The following WBP11 variants were observed in gnomAD, a reference collection of about 807,000 sequenced individuals.
The protein encoded by WBP11 is WW domain binding protein 11, also known as WW domain-binding protein 11.
In WBP11, 12 loss-of-function variants were observed where a neutral mutation model predicts 66.7. The ratio of observed to expected loss-of-function variants is 0.18; its 90% CI spans 0.12 to 0.29. WBP11 has a LOEUF of 0.29. Ranked by LOEUF, WBP11 falls within the 10% of genes least tolerant of loss-of-function variation. The pLI is 1.00. For synonymous variants in WBP11, 255 were observed against 273.8 expected, an observed-to-expected ratio of 0.93 and a Z score of 0.68; for missense variants, 555 against 818.3, an observed-to-expected ratio of 0.68 and a Z score of 3.93.
chr12:14,791,638 C>G (rs961280178), intron 8 of WBP11, among the ~76,000 whole-genome samples: 8 of 152,270 alleles, frequency 5.3e-5, no homozygotes, highest in African/African-American at 1.7e-4. Context: ...ACTAGCCTAA[C>G]CATGATACCA....
At chr12:14,789,204 A>G in intron 10 of WBP11, 71 bp from the exon 11 acceptor site, 2 of 1,371,778 alleles carry the variant, frequency 1.5e-6, no homozygotes, top group Non-Finnish European at 1.9e-6. Flanking sequence ...CTTAAAAGTA[A>G]CTCAAATATG....
At chr12:14,793,116 T>C (rs530229921) in intron 8 of WBP11, among the ~76,000 whole-genome samples, 25 of 152,318 alleles carry the variant, frequency 1.6e-4, no homozygotes, top group South Asian at 6.2e-4. Context: ...ATATATTCTG[T>C]TGTAGGCCAC....
rs182665706 is a variant in WBP11, at chr12:14,802,696, G to T, written c.-46+656C>A. ...TCCTTCTAAGAAAAACTGGGGATGG[G>T]GGGGTTAGGGGGGTGGGAGAGCAGC... On this transcript the variant is annotated intron_variant, in intron 1 of 11. Coordinates refer to ENST00000261167, the MANE Select transcript of WBP11 (RefSeq NM_016312.3). Among the ~76,000 whole-genome samples the T allele has an allele frequency of 8.6e-4, 130 of 151,940 alleles. 1 individual carries two copies. Among genetic ancestry groups the T allele is most frequent in the Non-Finnish European group, 1.3e-3 (89 of 67,980 alleles).
At chr12:14,789,484 C>T (rs1295868725) in intron 10 of WBP11, among the ~76,000 whole-genome samples, 5 of 152,030 alleles carry the variant, frequency 3.3e-5, no homozygotes, top group African/African-American at 9.7e-5. Flanking sequence ...ACTTGGGAGG[C>T]TGAGGCAGGA....
At chr12:14,802,888 G>C (rs766856448) in intron 1 of WBP11, among the ~76,000 whole-genome samples, 2 of 152,196 alleles carry the variant, frequency 1.3e-5, no homozygotes, top group African/African-American at 2.4e-5. Flanking sequence ...ACGAATTACA[G>C]AGAATTTTAC....
At position 14,803,468 on chromosome 12, in the gene WBP11, T is replaced by G. The variant is rs1949998067; in HGVS notation, c.-162A>C. 1.0e-5 allele frequency: 4 copies of G among 398,696 alleles called. No homozygotes were observed. The highest frequency in any genetic ancestry group is 4.1e-5 in the African/African-American group (2 of 48,650). The allele number at this position is 398,696 out of a possible 1,614,324, so 24.7% of individuals were successfully genotyped here. A position where few individuals can be genotyped will look rare whatever the true frequency, so the allele number is the denominator to read the frequency against. On this transcript the variant is annotated 5_prime_UTR_variant, in exon 1 of 12. Transcript: ENST00000261167. The stretch of plus-strand genomic sequence containing the variant: ...GTCAACCCCTCAGCTACCGCCATCT[T>G]GAAACCTCGCGCCCCTCCGCACTCC...
At chr12:14,791,899 G>C (rs1023668360) in intron 8 of WBP11, among the ~76,000 whole-genome samples, 6 of 151,470 alleles carry the variant, frequency 4.0e-5, no homozygotes, top group Admixed American at 1.3e-4. Context: ...ATCAAATATT[G>C]TATGCTCTCA....
rs1949995422 is a variant in WBP11, at chr12:14,803,331, AAATC to A, written c.-46+17_-46+20del. On this transcript the variant is annotated intron_variant, in intron 1 of 11. Transcript: ENST00000261167. ...GACGAAAGAGGTGAGGAAGAGTAGTAAATCAATTCAATACACTCACACTTCTGCT... is the reference window on the plus strand; with the variant it reads ...GACGAAAGAGGTGAGGAAGAGTAGTAAATTCAATACACTCACACTTCTGCT... 2 of 398,470 alleles carry A rather than the reference AAATC, an allele frequency of 5.0e-6. No homozygotes were observed. The highest frequency in any genetic ancestry group is 2.5e-4 in the South Asian group (2 of 7,846). 24.7% of individuals were successfully genotyped at this position (398,470 alleles called of 1,614,324 possible). A position where few individuals can be genotyped will look rare whatever the true frequency, so the allele number is the denominator to read the frequency against.
chr12:14,785,505 GTATTAATAT>G lies in WBP11; in HGVS notation c.*1551_*1559del, dbSNP rs1207980587. ...ACAGACTCAATTCACCTGTGGACCC[GTATTAATAT>G]TACACTAAAAAACCAACCCAAAACG... On this transcript the variant is annotated 3_prime_UTR_variant, in exon 12 of 12. Transcript: ENST00000261167. 1 of 152,044 alleles carries G rather than the reference GTATTAATAT, an allele frequency of 6.6e-6. No individual in the cohort carries two copies. Among genetic ancestry groups the G allele is most frequent in the Non-Finnish European group, 1.5e-5 (1 of 68,000 alleles). The allele number at this position is 152,044 out of a possible 1,614,324, so 9.4% of individuals were successfully genotyped here. A position where few individuals can be genotyped will look rare whatever the true frequency, so the allele number is the denominator to read the frequency against.
intron 8 of WBP11, among the ~76,000 whole-genome samples, chr12:14,791,996 G>A (rs1166621502): frequency 6.6e-6 from 1 of 151,992 alleles, no homozygotes; most frequent in Non-Finnish European, 1.5e-5. Flanking sequence ...AGGGTGGGAG[G>A]GGAGTGAAGG....
At chr12:14,803,104 G>T (rs898943690) in intron 1 of WBP11, among the ~76,000 whole-genome samples, 2 of 152,178 alleles carry the variant, frequency 1.3e-5, no homozygotes, top group African/African-American at 4.8e-5. Context: ...GGTACAAGAC[G>T]TCAAACCTAA....
chr12:14,788,199 A>G (rs1316848842), intron 11 of WBP11, among the ~76,000 whole-genome samples: 3 of 152,200 alleles, frequency 2.0e-5, no homozygotes, highest in African/African-American at 7.2e-5. Context: ...AGATCGCGCC[A>G]TTGCACTCCA....
rs1331126766 is a variant in WBP11, at chr12:14,785,959, GAGTT to G, written c.*1102_*1105del. 2.0e-5 allele frequency: 3 copies of G among 149,322 alleles called. No individual in the cohort carries two copies. The highest frequency in any genetic ancestry group is 4.5e-5 in the Non-Finnish European group (3 of 67,334). The allele number at this position is 149,322 out of a possible 1,614,324, so 9.2% of individuals were successfully genotyped here. On this transcript the variant is annotated 3_prime_UTR_variant, in exon 12 of 12. Transcript: ENST00000261167. ...ATTAAATTAACATTAAACTTACTAA[GAGTT>G]AGTCTAAATTGGTAGATGAGTTTAC...
At chr12:14,800,612 A>G (rs1435705202) in intron 3 of WBP11, 140 bp downstream of exon 3, 2 of 787,696 alleles carry the variant, frequency 2.5e-6, no homozygotes, top group Non-Finnish European at 4.0e-6. Context: ...TTGGCTTAGT[A>G]TATCTTACAG....
chr12:14,798,325 T>C (rs149367031), intron 4 of WBP11, among the ~76,000 whole-genome samples: 5 of 152,244 alleles, frequency 3.3e-5, no homozygotes, highest in African/African-American at 1.2e-4. Flanking sequence ...CTTACCTGTA[T>C]AATAGGGACA....
intron 5 of WBP11, 75 bp from the exon 6 acceptor site, chr12:14,795,179 T>G: frequency 1.4e-6 from 2 of 1,434,396 alleles, no homozygotes; most frequent in Non-Finnish European, 1.8e-6. Context: ...ACAAGTCAGC[T>G]GTTTCGTAAC....
Position 14,789,084 on chromosome 12 carries a change from G to A in WBP11, c.1359C>T (p.Pro453=). 1 of 1,523,126 alleles carries A rather than the reference G, an allele frequency of 6.6e-7. No homozygotes were observed. The highest frequency in any genetic ancestry group is 8.7e-7 in the Non-Finnish European group (1 of 1,147,982). The allele number at this position is 1,523,126 out of a possible 1,614,324, so 94.4% of individuals were successfully genotyped here. A position where few individuals can be genotyped will look rare whatever the true frequency, so the allele number is the denominator to read the frequency against. ...GTCCTGGAGGTAAAAGTCGGGGTAAGGGCCCTCGGAGTCCTGGCATTCCAG... is the reference window on the plus strand; with the variant it reads ...GTCCTGGAGGTAAAAGTCGGGGTAAAGGCCCTCGGAGTCCTGGCATTCCAG... ...RPPGMPGLRG[P]LPRLLPPGPP... is the part of the protein sequence containing the mutation. The change falls in exon 11 of 12, where the codon CCC becomes CCT. Residue 453 remains proline, a synonymous_variant. Transcript: ENST00000261167.
chr12:14,791,415 G>A lies in WBP11; in HGVS notation c.914-145C>T, dbSNP rs528518692. The A allele has an allele frequency of 5.7e-4, 310 of 544,588 alleles. 2 individuals are homozygous for A. The highest frequency in any genetic ancestry group is 1.6e-4 in the Non-Finnish European group (49 of 311,374). 33.7% of individuals were successfully genotyped at this position (544,588 alleles called of 1,614,324 possible). A position where few individuals can be genotyped will look rare whatever the true frequency, so the allele number is the denominator to read the frequency against. ...GATGAGATAGCTATACTAATGATAC[G>A]AACACCCAGATAAAAACAATTTTCA... On this transcript the variant is annotated intron_variant, in intron 8 of 11. Coordinates refer to ENST00000261167, the MANE Select transcript of WBP11 (RefSeq NM_016312.3).
chr12:14,798,373 T>G (rs567483867), intron 4 of WBP11, among the ~76,000 whole-genome samples: 2 of 152,296 alleles, frequency 1.3e-5, no homozygotes, highest in South Asian at 4.1e-4. Flanking sequence ...ATTAGAAAAC[T>G]GGTGGAAAAA....
Sources: allele counts gnomAD v4.1 joint callset (sites outside exome capture counted in the v4.1 genomes callset), GRCh38; gene constraint gnomAD v4.1.1; transcripts MANE v1.5; gene names NCBI Gene and HGNC (gene_info 2026-07-23, HGNC 2026-07-21).